Variants in VAMP4 observed in about 807,000 individuals in gnomAD.
The protein encoded by VAMP4 is vesicle associated membrane protein 4, also known as vesicle-associated membrane protein 4.
Under a neutral mutation model 23.5 loss-of-function variants are expected in VAMP4, and 19 were observed. The ratio of observed to expected loss-of-function variants is 0.81; its 90% CI spans 0.56 to 1.19. VAMP4 has a LOEUF of 1.19. Ranked by LOEUF, VAMP4 falls within the 50% of genes most tolerant of loss-of-function variation. VAMP4 has a pLI of 0.00. For missense variants in VAMP4, 145 were observed against 168.6 expected (o/e 0.86, Z 0.78); for synonymous variants, 31 against 51.0 (o/e 0.61, Z 1.67).
intron 6 of VAMP4, among the ~76,000 whole-genome samples, chr1:171,706,941 G>A (rs1489166131): frequency 1.3e-5 from 2 of 152,142 alleles, no homozygotes; most frequent in Non-Finnish European, 1.5e-5. Context: ...AACTTTACCT[G>A]AAATGTACAT....
At chr1:171,709,958 C>A (rs974034220) in intron 5 of VAMP4, among the ~76,000 whole-genome samples, 2 of 152,014 alleles carry the variant, frequency 1.3e-5, no homozygotes, top group African/African-American at 4.8e-5. Context: ...GCTTGCAGAT[C>A]AGTTTGCTCA....
rs1211479093 is a variant in VAMP4 at position 171,703,731 on chromosome 1, T to C, written c.*775A>G. 6.6e-6 allele frequency: 1 copy of C among 152,204 alleles called. No homozygotes were observed. Among genetic ancestry groups the C allele is most frequent in the Non-Finnish European group, 1.5e-5 (1 of 67,810 alleles). 9.4% of individuals were successfully genotyped at this position (152,204 alleles called of 1,614,324 possible). ...ATTAGGACTGACTGGTCTCTCTTTATTGGAGTTTAACAGAAAACAGACTGG... is the reference window on the plus strand; with the variant it reads ...ATTAGGACTGACTGGTCTCTCTTTACTGGAGTTTAACAGAAAACAGACTGG... On this transcript the variant is annotated 3_prime_UTR_variant, in exon 8 of 8. Coordinates refer to ENST00000236192, the MANE Select transcript of VAMP4 (RefSeq NM_003762.5).
At chr1:171,708,458 T>G (rs866529453) in intron 6 of VAMP4, among the ~76,000 whole-genome samples, 95 of 151,900 alleles carry the variant, frequency 6.3e-4, no homozygotes, top group African/African-American at 2.1e-3. Context: ...ATTTCTTCCC[T>G]CAGTTCCACT....
At chr1:171,739,055 G>C (rs530932359) in intron 1 of VAMP4, among the ~76,000 whole-genome samples, 102 of 152,298 alleles carry the variant, frequency 6.7e-4, no homozygotes, top group African/African-American at 2.2e-3. Flanking sequence ...CCCATTTCCT[G>C]ACATATCCTT....
At chr1:171,720,305 C>G (rs1343161525) in intron 3 of VAMP4, among the ~76,000 whole-genome samples, 2 of 151,710 alleles carry the variant, frequency 1.3e-5, no homozygotes, top group Non-Finnish European at 2.9e-5. Context: ...AATGAGGAAA[C>G]TATAAAGTGA....
At chr1:171,738,266 ATGGTTTTTCT>A (rs1410504329) in intron 2 of VAMP4, 73 bp downstream of exon 2, 7 of 1,523,090 alleles carry the variant, frequency 4.6e-6, no homozygotes, top group South Asian at 1.2e-5. Flanking sequence ...CCACGCCCGG[ATGGTTTTTCT>A]TCTATTATTC....
chr1:171,720,843 GAC>G (rs1020570007), intron 3 of VAMP4, among the ~76,000 whole-genome samples: 6 of 151,958 alleles, frequency 3.9e-5, no homozygotes, highest in African/African-American at 1.4e-4. Flanking sequence ...ACCAGATAAA[GAC>G]ACAACAAGAA....
chr1:171,739,856 T>C (rs1655872452), intron 1 of VAMP4, among the ~76,000 whole-genome samples: 2 of 152,238 alleles, frequency 1.3e-5, no homozygotes, highest in African/African-American at 4.8e-5. Context: ...TGTTATATGC[T>C]AATATGCATT....
intron 4 of VAMP4, among the ~76,000 whole-genome samples, chr1:171,718,140 C>A (rs887103568): frequency 1.3e-5 from 2 of 152,148 alleles, no homozygotes; most frequent in Non-Finnish European, 2.9e-5. Context: ...AAAACTAATA[C>A]ACCCAGTCTA....
intron 2 of VAMP4, among the ~76,000 whole-genome samples, chr1:171,735,342 A>G (rs1057122944): frequency 2.6e-5 from 4 of 152,236 alleles, no homozygotes; most frequent in Admixed American, 6.5e-5. Context: ...CTTGCATACT[A>G]TACATTGAAT....
intron 4 of VAMP4, among the ~76,000 whole-genome samples, chr1:171,714,765 G>A (rs1030335124): frequency 3.3e-5 from 5 of 152,038 alleles, no homozygotes; most frequent in African/African-American, 7.2e-5. Flanking sequence ...GTGAGAACCT[G>A]TGTCTAAGAA....
intron 2 of VAMP4, among the ~76,000 whole-genome samples, chr1:171,732,630 C>T (rs1300289964): frequency 6.6e-6 from 1 of 152,054 alleles, no homozygotes; most frequent in Non-Finnish European, 1.5e-5. Flanking sequence ...ATGAAAGACA[C>T]TGGGAAGATC....
chr1:171,738,343 A>T lies in VAMP4; in HGVS notation c.66+6T>A. The stretch of plus-strand genomic sequence containing the variant: ...TTGTTTTTAAAGCTTAAGATTCCGA[A>T]CTTACCCTTTCACTTTTCACAGAAC... On this transcript the variant is annotated splice_donor_region_variant and intron_variant, in intron 2 of 7. Coordinates refer to ENST00000236192, the MANE Select transcript of VAMP4 (RefSeq NM_003762.5). 3 of 1,613,804 alleles carry T rather than the reference A, an allele frequency of 1.9e-6. No individual in the cohort carries two copies. The highest frequency in any genetic ancestry group is 2.5e-6 in the Non-Finnish European group (3 of 1,179,830).
In VAMP4 at chr1:171,710,716, G is replaced by T. The variant is rs919432061; in HGVS notation, c.263C>A (p.Ser88Ter). Residue 88 changes from serine (S) to a stop codon, truncating the protein, a stop_gained and splice_region_variant, in exon 5 of 8, where the codon TCA (serine) becomes TAA (stop). Coordinates refer to ENST00000236192, the MANE Select transcript of VAMP4 (RefSeq NM_003762.5). LOFTEE classifies it high-confidence loss of function. ...AAGAAATACATGAAGATCTGTACCT[G>T]ATTTGTCCTGTAGTTCATCTAGTCT... ...GERLDELQDK[S>*]ESLSDNATAF... is the part of the protein sequence containing the mutation. The T allele has an allele frequency of 6.3e-7, 1 of 1,596,068 alleles. No homozygotes were observed. Among genetic ancestry groups the T allele is most frequent in the Non-Finnish European group, 8.6e-7 (1 of 1,169,252 alleles).
intron 4 of VAMP4, among the ~76,000 whole-genome samples, chr1:171,711,499 T>C (rs1268786001): frequency 1.3e-5 from 2 of 152,126 alleles, no homozygotes; most frequent in Non-Finnish European, 1.5e-5. Context: ...TCATCCTTTA[T>C]ATTAGATGAT....
intron 3 of VAMP4, among the ~76,000 whole-genome samples, chr1:171,726,296 C>T (rs571902226): frequency 2.1e-4 from 31 of 150,862 alleles, no homozygotes; most frequent in Non-Finnish European, 4.0e-4. Context: ...GTGATCCGCC[C>T]GCCTCGGCCT....
intron 2 of VAMP4, among the ~76,000 whole-genome samples, chr1:171,734,583 G>A (rs1655678276): frequency 6.6e-6 from 1 of 152,186 alleles, no homozygotes; most frequent in African/African-American, 2.4e-5. Context: ...TACACTTTAA[G>A]TGGGTGAATT....
intron 3 of VAMP4, 26 bp downstream of exon 3, chr1:171,728,498 T>G: frequency 6.7e-7 from 1 of 1,502,918 alleles, no homozygotes; most frequent in Non-Finnish European, 8.9e-7. Context: ...AATTACACCC[T>G]AATAAAGCTG....
intron 4 of VAMP4, 76 bp downstream of exon 4, chr1:171,719,095 C>T (rs756868834): frequency 1.5e-6 from 2 of 1,334,144 alleles, no homozygotes; most frequent in Non-Finnish European, 2.1e-6. Flanking sequence ...CCAGATTTGG[C>T]TCACAGGCTG....
Sources: gnomAD v4.1 joint callset for allele counts (sites outside exome capture counted in the v4.1 genomes callset) on GRCh38, gnomAD v4.1.1 for gene constraint, MANE v1.5 for transcripts, NCBI Gene and HGNC (gene_info 2026-07-23, HGNC 2026-07-21) for gene names.